BMPR2: variants seen among roughly 807,000 people sequenced by gnomAD.
BMPR2 encodes the protein bone morphogenetic protein receptor type 2.
In BMPR2, 29 loss-of-function variants were observed where a neutral mutation model predicts 100.8. That is an observed-to-expected ratio of 0.29 (90% CI 0.21 to 0.39). BMPR2 has a LOEUF of 0.39. BMPR2 is among the 10% of genes least tolerant of loss of function. The pLI is 1.00. For missense variants in BMPR2, 1,011 were observed against 1,274.5 expected, an observed-to-expected ratio of 0.79 and a Z score of 3.15; for synonymous variants, 382 against 442.3, an observed-to-expected ratio of 0.86 and a Z score of 1.71.
intron 10 of BMPR2, among the ~76,000 whole-genome samples, chr2:202,551,351 C>A (rs1688473875): frequency 1.4e-5 from 2 of 141,554 alleles, no homozygotes; most frequent in Non-Finnish European, 1.5e-5. Context: ...CCCGTCTCTA[C>A]TAAAGATACA....
chr2:202,459,597 T>C (rs1692185904), intron 1 of BMPR2, among the ~76,000 whole-genome samples: 2 of 152,218 alleles, frequency 1.3e-5, no homozygotes, highest in Non-Finnish European at 2.9e-5. Flanking sequence ...GTGTTTGGTT[T>C]TCTGTTCCTG....
chr2:202,452,442 T>C (rs1004005911), intron 1 of BMPR2, among the ~76,000 whole-genome samples: 2 of 152,224 alleles, frequency 1.3e-5, no homozygotes, highest in South Asian at 2.1e-4. Flanking sequence ...TTGTGTGATA[T>C]ATGATTTCAT....
intron 1 of BMPR2, among the ~76,000 whole-genome samples, chr2:202,406,624 C>T (rs771220881): frequency 7.2e-5 from 11 of 152,138 alleles, no homozygotes; most frequent in Non-Finnish European, 1.6e-4. Flanking sequence ...TATGGTTTTA[C>T]CCTGCTGTAA....
chr2:202,436,901 A>C (rs1254033798), intron 1 of BMPR2, among the ~76,000 whole-genome samples: 4 of 150,782 alleles, frequency 2.7e-5, no homozygotes. Flanking sequence ...TGCAGTAAGA[A>C]TTGTGTTCCT....
chr2:202,382,096 G>A (rs1405061158), intron 1 of BMPR2, among the ~76,000 whole-genome samples: 2 of 123,196 alleles, frequency 1.6e-5, no homozygotes, highest in East Asian at 4.6e-4. Context: ...GTCTTGCTCT[G>A]TCACACAGCC....
chr2:202,448,323 C>T (rs1303632054), intron 1 of BMPR2, among the ~76,000 whole-genome samples: 1 of 150,280 alleles, frequency 6.7e-6, no homozygotes, highest in Non-Finnish European at 1.5e-5. Flanking sequence ...TGGTGGCTGG[C>T]GTAGTCCCAG....
intron 1 of BMPR2, among the ~76,000 whole-genome samples, chr2:202,411,812 C>T (rs984488553): frequency 1.3e-5 from 2 of 152,120 alleles, no homozygotes; most frequent in Admixed American, 6.6e-5. Flanking sequence ...GAACATTCTA[C>T]AAGATAACTT....
chr2:202,389,451 C>T (rs1243119414), intron 1 of BMPR2, among the ~76,000 whole-genome samples: 7 of 145,234 alleles, frequency 4.8e-5, no homozygotes, highest in African/African-American at 7.6e-5. Context: ...CGCTTGAACC[C>T]GAGAGGCAGA....
At chr2:202,410,821 C>T (rs1423817046) in intron 1 of BMPR2, among the ~76,000 whole-genome samples, 2 of 152,050 alleles carry the variant, frequency 1.3e-5, no homozygotes, top group African/African-American at 4.8e-5. Context: ...CATCGTAATC[C>T]GCCCGCCTCG....
chr2:202,477,248 G>A (rs978551724), intron 3 of BMPR2, among the ~76,000 whole-genome samples: 1 of 152,070 alleles, frequency 6.6e-6, no homozygotes, highest in Non-Finnish European at 1.5e-5. Flanking sequence ...ACTTTCTTAG[G>A]AAATAACTGT....
chr2:202,485,322 G>T (rs959554409), intron 3 of BMPR2, among the ~76,000 whole-genome samples: 2 of 151,760 alleles, frequency 1.3e-5, no homozygotes, highest in African/African-American at 2.4e-5. Flanking sequence ...TTTGTTCTTG[G>T]ACAGCTTTGG....
chr2:202,550,048 G>A (rs1008730768), intron 10 of BMPR2, among the ~76,000 whole-genome samples: 1 of 152,046 alleles, frequency 6.6e-6, no homozygotes, highest in Non-Finnish European at 1.5e-5. Flanking sequence ...TGGGACCACA[G>A]GTGTGCACAA....
intron 1 of BMPR2, among the ~76,000 whole-genome samples, chr2:202,458,402 G>A (rs556406554): frequency 9.2e-5 from 14 of 151,886 alleles, no homozygotes; most frequent in South Asian, 6.2e-4. Context: ...CCTGAAAGCC[G>A]GAGGTTGCAG....
intron 1 of BMPR2, among the ~76,000 whole-genome samples, chr2:202,406,281 G>T (rs1690889309): frequency 6.6e-6 from 1 of 152,222 alleles, no homozygotes; most frequent in Admixed American, 6.5e-5. Flanking sequence ...TTCCGAGTAA[G>T]TTGTAGCCCC....
chr2:202,486,809 TGAGTCCAG>T (rs1404491994), intron 3 of BMPR2, among the ~76,000 whole-genome samples: 2 of 152,098 alleles, frequency 1.3e-5, no homozygotes, highest in Non-Finnish European at 2.9e-5. Context: ...GAGAATTGCT[TGAGTCCAG>T]GAGTTCAGGA....
chr2:202,508,794 G>A (rs1443022905), intron 3 of BMPR2, among the ~76,000 whole-genome samples: 1 of 152,176 alleles, frequency 6.6e-6, no homozygotes, highest in Non-Finnish European at 1.5e-5. Flanking sequence ...CCTTCCATTG[G>A]CACTTTCTGG....
chr2:202,380,965 CTTTTTTTTTTTTTTTT>C, intron 1 of BMPR2, among the ~76,000 whole-genome samples: 1 of 70,788 alleles, frequency 1.4e-5, no homozygotes, highest in East Asian at 3.4e-4. Flanking sequence ...TTCTTTCTTT[CTTTTTTTTTTTTTTTT>C]TTTTTTTTTT....
At chr2:202,536,797 G>C (rs13023920) in intron 9 of BMPR2, among the ~76,000 whole-genome samples, 16,553 of 151,218 alleles carry the variant, frequency 0.11, 1,045 homozygotes, top group Non-Finnish European at 0.13. Context: ...GCTTGAACCC[G>C]GGAGGCAGAG....
intron 3 of BMPR2, among the ~76,000 whole-genome samples, chr2:202,481,422 G>A (rs555146753): frequency 2.0e-5 from 3 of 151,982 alleles, no homozygotes; most frequent in East Asian, 1.9e-4. Flanking sequence ...CAGCTGATCC[G>A]CCTGCCTCAG....
Sources: allele counts gnomAD v4.1 joint callset (sites outside exome capture counted in the v4.1 genomes callset), GRCh38; gene constraint gnomAD v4.1.1; transcripts MANE v1.5; gene names NCBI Gene and HGNC (gene_info 2026-07-23, HGNC 2026-07-21).